The following DEFB112 variants were observed in gnomAD, a reference collection of about 807,000 sequenced individuals.
DEFB112 encodes defensin beta 112, also known as beta-defensin 112.
Under a neutral mutation model 1.1 loss-of-function variants are expected in DEFB112, and 2 were observed. The ratio of observed to expected loss-of-function variants is 1.85; its 90% CI spans 0.76 to 5.83. The LOEUF (loss-of-function observed/expected upper bound fraction) is 5.83, where lower values mean the gene tolerates loss of function less well. Ranked by LOEUF, DEFB112 falls within the 30% of genes most tolerant of loss-of-function variation. The pLI, the probability that DEFB112 is intolerant of heterozygous loss-of-function variation, is 0.05. For missense variants in DEFB112, 120 were observed against 94.4 expected, an observed-to-expected ratio of 1.27 and a Z score of -1.12; for synonymous variants, 40 against 31.2, an observed-to-expected ratio of 1.28 and a Z score of -0.93.
chr6:50,048,957 C>CTA (rs1262741422), intron 1 of DEFB112, among the ~76,000 whole-genome samples: 4 of 151,958 alleles, frequency 2.6e-5, no homozygotes, highest in African/African-American at 9.7e-5. Flanking sequence ...TGAAGAAAAC[C>CTA]TATCAGTGTT....
In DEFB112 at chr6:50,042,619, T is replaced by C. The variant is rs1309570639; in HGVS notation, c.*956A>G. 6.6e-6 allele frequency among the ~76,000 whole-genome samples: 1 copy of C among 151,994 alleles called. No homozygotes were observed. The highest frequency in any genetic ancestry group is 1.5e-5 in the Non-Finnish European group (1 of 67,938). On this transcript the variant is annotated 3_prime_UTR_variant, in exon 2 of 2. Transcript: ENST00000651554. ...CCAAGCCCTGCAAAACCATCACCTATTTTTAGAGTTGATATTTCAAAATGT... is the reference window on the plus strand; with the variant it reads ...CCAAGCCCTGCAAAACCATCACCTACTTTTAGAGTTGATATTTCAAAATGT...
At chr6:50,048,403 C>A in intron 1 of DEFB112, 1 of 791,868 alleles carries the variant, frequency 1.3e-6, no homozygotes, top group South Asian at 1.6e-5. Context: ...CTTCATAAAG[C>A]TATGAGGTGA....
At chr6:50,046,532 G>A (rs963300826) in intron 1 of DEFB112, among the ~76,000 whole-genome samples, 1 of 151,994 alleles carries the variant, frequency 6.6e-6, no homozygotes, top group Non-Finnish European at 1.5e-5. Flanking sequence ...AATGTATGGT[G>A]GTAGTTTATC....
At chr6:50,046,220 A>AGT (rs1774830182) in intron 1 of DEFB112, among the ~76,000 whole-genome samples, 2 of 44,476 alleles carry the variant, frequency 4.5e-5, no homozygotes, top group Non-Finnish European at 9.5e-5. Flanking sequence ...ATTGAGGAGC[A>AGT]CTGTGTGTGT....
At chr6:50,048,566 G>A (rs779039259) in intron 1 of DEFB112, 10 of 1,613,320 alleles carry the variant, frequency 6.2e-6, no homozygotes, top group African/African-American at 1.3e-5. Context: ...CCCATGTCGG[G>A]CCTTTTCAAA....
chr6:50,047,751 G>A (rs558682494), intron 1 of DEFB112, among the ~76,000 whole-genome samples: 2 of 152,220 alleles, frequency 1.3e-5, no homozygotes, highest in Non-Finnish European at 2.9e-5. Flanking sequence ...ATTAAACCGT[G>A]CTTTCAAATA....
chr6:50,047,038 C>T (rs1252922305), intron 1 of DEFB112, among the ~76,000 whole-genome samples: 1 of 152,124 alleles, frequency 6.6e-6, no homozygotes, highest in Non-Finnish European at 1.5e-5. Flanking sequence ...ACCTGGGGGT[C>T]AGCTTGGTGT....
At chr6:50,045,931 T>C (rs184370686) in intron 1 of DEFB112, among the ~76,000 whole-genome samples, 345 of 152,276 alleles carry the variant, frequency 2.3e-3, no homozygotes, top group South Asian at 4.1e-3. Context: ...AAGACATACG[T>C]TCAGTGGATA....
rs556486470 is a variant in DEFB112, at chr6:50,043,800, G to A, written c.60C>T (p.Ala20=). 2 of 1,612,842 alleles carry A rather than the reference G, an allele frequency of 1.2e-6. No individual in the cohort carries two copies. The highest frequency in any genetic ancestry group is 1.3e-5 in the African/African-American group (1 of 74,954). The part of the protein sequence containing the change: ...LLFFGVLIPP[A]RSEGHHITFS... ...AGGTGATATGGTGCCCTTCACTTCT[G>A]GCTGAAAGAAGGCAAGAACAGCTGG... The change falls in exon 2 of 2, where the codon GCC becomes GCT. Residue 20 remains alanine, a splice_region_variant and synonymous_variant. Transcript: ENST00000651554.
At chr6:50,045,633 C>G (rs2113957980) in intron 1 of DEFB112, among the ~76,000 whole-genome samples, 1 of 152,086 alleles carries the variant, frequency 6.6e-6, no homozygotes, top group East Asian at 1.9e-4. Flanking sequence ...GAGAAATGTG[C>G]CATTAGGTGA....
intron 1 of DEFB112, among the ~76,000 whole-genome samples, chr6:50,046,929 G>C (rs1582382723): frequency 2.6e-5 from 4 of 152,282 alleles, no homozygotes; most frequent in Admixed American, 2.6e-4. Context: ...AGTGAACCTG[G>C]AGCCTGTATC....
intron 1 of DEFB112, among the ~76,000 whole-genome samples, chr6:50,047,041 C>A (rs1453705428): frequency 6.6e-6 from 1 of 152,116 alleles, no homozygotes; most frequent in Non-Finnish European, 1.5e-5. Context: ...TGGGGGTCAG[C>A]TTGGTGTTGG....
At position 50,043,389 on chromosome 6, in the gene DEFB112, C is replaced by T. The variant is rs1042530689; in HGVS notation, c.*186G>A. Among the ~76,000 whole-genome samples, 9 of 152,008 alleles carry T rather than the reference C, an allele frequency of 5.9e-5. No homozygotes were observed. The highest frequency in any genetic ancestry group is 9.7e-5 in the African/African-American group (4 of 41,412). ...TTCTATTCCAGAGTTCAAATCCCTG[C>T]TTTGTATTCTGATTCTTTCTTCTAA... On this transcript the variant is annotated 3_prime_UTR_variant, in exon 2 of 2. Transcript: ENST00000651554.
chr6:50,046,181 G>A (rs1469870432), intron 1 of DEFB112, among the ~76,000 whole-genome samples: 2 of 150,620 alleles, frequency 1.3e-5, no homozygotes, highest in South Asian at 2.1e-4. Context: ...AACTCAAAAT[G>A]TCTTTATCAA....
chr6:50,043,199 G>A lies in DEFB112; in HGVS notation c.*376C>T, dbSNP rs1473453830. Among the ~76,000 whole-genome samples, 1 of 151,932 alleles carries A rather than the reference G, an allele frequency of 6.6e-6. No individual in the cohort carries two copies. The highest frequency in any genetic ancestry group is 1.5e-5 in the Non-Finnish European group (1 of 67,948). On this transcript the variant is annotated 3_prime_UTR_variant, in exon 2 of 2. Transcript: ENST00000651554. ...TGCAACGATTTTTACTAGTTCAGGG[G>A]TCACATCTCTTATCAACTCTGTCCC...
Position 50,047,719 on chromosome 6 carries a change from A to G in DEFB112, c.58+2093T>C, listed in dbSNP as rs77912060. Among the ~76,000 whole-genome samples, 1,220 of 152,320 alleles carry G rather than the reference A, an allele frequency of 8.0e-3. 14 individuals are homozygous for G. The highest frequency in any genetic ancestry group is 0.025 in the African/African-American group (1,020 of 41,576). ...CCCTTATCTAGACTTTTGTTGCTCAATTGCCTTTTTGAGTTATCTTAATTA... is the reference window on the plus strand; with the variant it reads ...CCCTTATCTAGACTTTTGTTGCTCAGTTGCCTTTTTGAGTTATCTTAATTA... On this transcript the variant is annotated intron_variant, in intron 1 of 1. Coordinates refer to ENST00000651554, the MANE Select transcript of DEFB112 (RefSeq NM_001369057.2).
In DEFB112 at chr6:50,043,499, T is replaced by C; in HGVS notation, c.*76A>G. 3 of 1,099,274 alleles carry C rather than the reference T, an allele frequency of 2.7e-6. No homozygotes were observed. Among genetic ancestry groups the C allele is most frequent in the Non-Finnish European group, 4.1e-6 (3 of 736,812 alleles). 68.1% of individuals were successfully genotyped at this position (1,099,274 alleles called of 1,614,324 possible). A position where few individuals can be genotyped will look rare whatever the true frequency, so the allele number is the denominator to read the frequency against. ...ATTATAGGTATGCATGCATGGAAAT[T>C]ATAGGTCATTAATGAAGTGATGAAA... is the stretch of plus-strand genomic sequence containing the variant. On this transcript the variant is annotated 3_prime_UTR_variant, in exon 2 of 2. Coordinates refer to ENST00000651554, the MANE Select transcript of DEFB112 (RefSeq NM_001369057.2).
In DEFB112 at chr6:50,043,679, T is replaced by C; in HGVS notation, c.181A>G (p.Thr61Ala). The C allele has an allele frequency of 6.2e-7, 1 of 1,613,436 alleles. No individual in the cohort carries two copies. Reference protein sequence around the residue: ...FRISYCARPTTHCCVTECDPT... With the variant: ...FRISYCARPTAHCCVTECDPT... Reference sequence around the variant, plus strand: ...TCACATTCTGTCACGCAGCAATGAGTTGTAGGTCTTGCACAGTATGAAATC... The same window carrying C: ...TCACATTCTGTCACGCAGCAATGAGCTGTAGGTCTTGCACAGTATGAAATC... Residue 61 changes from threonine (T) to alanine (A), a missense_variant, in exon 2 of 2, where the codon ACT becomes GCT. By Grantham distance (58) the Thr-to-Ala change is moderately conservative. Transcript: ENST00000651554.
intron 1 of DEFB112, among the ~76,000 whole-genome samples, 69 bp downstream of exon 1, chr6:50,049,743 T>C (rs1418096737): frequency 6.6e-6 from 1 of 152,070 alleles, no homozygotes; most frequent in African/African-American, 2.4e-5. Context: ...TCAATTCTAC[T>C]TTAAATAACC....
Sources: gnomAD v4.1 joint callset for allele counts (sites outside exome capture counted in the v4.1 genomes callset) on GRCh38, gnomAD v4.1.1 for gene constraint, MANE v1.5 for transcripts, NCBI Gene and HGNC (gene_info 2026-07-23, HGNC 2026-07-21) for gene names.